ACSS2: variants seen among roughly 807,000 people sequenced by gnomAD.
ACSS2 encodes acetyl-coenzyme A synthetase, cytoplasmic.
In ACSS2, 58 loss-of-function variants were observed where a neutral mutation model predicts 90.6. The observed-to-expected ratio is 0.64, with a 90% confidence interval of 0.52 to 0.80. The LOEUF is 0.80. Ranked by LOEUF, ACSS2 falls within the 30% of genes least tolerant of loss-of-function variation. The pLI is 0.00. For synonymous variants in ACSS2, 300 were observed against 330.9 expected, an observed-to-expected ratio of 0.91 and a Z score of 1.01; for missense variants, 759 against 912.0, an observed-to-expected ratio of 0.83 and a Z score of 2.16.
At chr20:34,890,235 A>T (rs143411117) in intron 2 of ACSS2, among the ~76,000 whole-genome samples, 21 of 152,256 alleles carry the variant, frequency 1.4e-4, no homozygotes, top group African/African-American at 5.1e-4. Flanking sequence ...GTCTATATAA[A>T]CACTGCCTCT....
chr20:34,902,505 T>C (rs1411708722), intron 2 of ACSS2, among the ~76,000 whole-genome samples: 1 of 151,970 alleles, frequency 6.6e-6, no homozygotes, highest in Admixed American at 6.6e-5. Context: ...TGGGGAAAGA[T>C]AGTTAAAGAA....
chr20:34,923,551 G>C, intron 14 of ACSS2, 120 bp downstream of exon 14: 1 of 748,200 alleles, frequency 1.3e-6, no homozygotes, highest in African/African-American at 1.7e-5. Flanking sequence ...GATTTATAAA[G>C]AAAAGAGGTT....
chr20:34,920,470 C>T (rs1017145238), intron 8 of ACSS2, 69 bp from the exon 9 acceptor site: 37 of 1,514,180 alleles, frequency 2.4e-5, no homozygotes, highest in Non-Finnish European at 3.1e-5. Context: ...TCCAGCTCTG[C>T]CCAGCCTCCA....
At position 34,927,794 on chromosome 20, in the gene ACSS2, T is replaced by C. The variant is rs1244083286; in HGVS notation, c.*580T>C. On this transcript the variant is annotated 3_prime_UTR_variant, in exon 18 of 18. Coordinates refer to ENST00000360596, the MANE Select transcript of ACSS2 (RefSeq NM_018677.4). This position sits in a 1 kb window ranked among gnomAD's most constrained non-coding sequence, Gnocchi z 4.2. ...TCATCTGCTTCTTTGAAGGAGTAAATGTGTTTTGTTCCTAGGGCCAGAGGA... is the reference window on the plus strand; with the variant it reads ...TCATCTGCTTCTTTGAAGGAGTAAACGTGTTTTGTTCCTAGGGCCAGAGGA... 6.4e-6 allele frequency: 1 copy of C among 155,192 alleles called. No homozygotes were observed. Among genetic ancestry groups the C allele is most frequent in the Non-Finnish European group, 1.4e-5 (1 of 69,854 alleles). 9.6% of individuals were successfully genotyped at this position (155,192 alleles called of 1,614,324 possible).
At chr20:34,915,161 C>T in intron 7 of ACSS2, 2 of 1,586,702 alleles carry the variant, frequency 1.3e-6, no homozygotes, top group South Asian at 1.1e-5. Flanking sequence ...CCTTTCCTCC[C>T]ACTCCCTGTA....
At position 34,882,908 on chromosome 20, in the gene ACSS2, G is replaced by C. The variant is rs1210933452; in HGVS notation, c.293G>C (p.Gly98Ala). ...KGKIFIEWMK[G>A]ATTNICYNVL... ...AAAATCTTCATTGAGTGGATGAAAG[G>C]AGCAACTACCAACATCTGCTACAAT... is the stretch of plus-strand genomic sequence containing the variant. The change falls in exon 2 of 18, where the codon GGA becomes GCA. Residue 98 changes from glycine (G) to alanine (A), a missense_variant. Gly to Ala is a moderately conservative substitution (Grantham distance 60). Coordinates refer to ENST00000360596, the MANE Select transcript of ACSS2 (RefSeq NM_018677.4). 2.3e-5 allele frequency: 37 copies of C among 1,613,914 alleles called. No individual in the cohort carries two copies. The highest frequency in any genetic ancestry group is 3.1e-5 in the Non-Finnish European group (37 of 1,179,950).
At chr20:34,899,085 C>T (rs1289935437) in intron 2 of ACSS2, among the ~76,000 whole-genome samples, 1 of 152,192 alleles carries the variant, frequency 6.6e-6, no homozygotes, top group East Asian at 1.9e-4. Flanking sequence ...CAGGGCCGGC[C>T]GGCTGCTCCG....
intron 1 of ACSS2, among the ~76,000 whole-genome samples, chr20:34,880,540 C>T (rs983642462): frequency 4.0e-5 from 6 of 151,002 alleles, no homozygotes; most frequent in Non-Finnish European, 7.4e-5. Flanking sequence ...AGCGAGACAC[C>T]GAGCTAAAAA....
chr20:34,899,439 C>T (rs372327894), intron 2 of ACSS2, among the ~76,000 whole-genome samples: 43 of 128,642 alleles, frequency 3.3e-4, no homozygotes, highest in African/African-American at 8.4e-4. Context: ...TCCTTCCTTC[C>T]TTCCTTCCTT....
chr20:34,905,171 C>T (rs1230561533), intron 2 of ACSS2, among the ~76,000 whole-genome samples: 1 of 152,090 alleles, frequency 6.6e-6, no homozygotes, highest in East Asian at 1.9e-4. Flanking sequence ...TCCTGCTTTG[C>T]CCTCCCAGAG....
At chr20:34,916,369 C>G (rs1036878350) in intron 7 of ACSS2, among the ~76,000 whole-genome samples, 1 of 152,190 alleles carries the variant, frequency 6.6e-6, no homozygotes, top group Non-Finnish European at 1.5e-5. Context: ...ATAATTATAC[C>G]TATGTTATCG....
intron 16 of ACSS2, 113 bp downstream of exon 16, chr20:34,926,394 C>G: frequency 8.2e-7 from 1 of 1,222,080 alleles, no homozygotes. Flanking sequence ...CAAACAGATT[C>G]CAGGGGGCCC....
rs1184299367 is a variant in ACSS2, at chr20:34,921,807, G to T, written c.1489G>T (p.Ala497Ser). 1.9e-6 allele frequency: 3 copies of T among 1,613,930 alleles called. No individual in the cohort carries two copies. The African/African-American group carries it at 4.0e-5, about 22-fold the overall frequency. Residue 497 changes from alanine to serine, a missense_variant, in exon 13 of 18, where the codon GCT becomes TCT. Ala to Ser is a moderately conservative substitution (Grantham distance 99, BLOSUM62 1). Coordinates refer to ENST00000360596, the MANE Select transcript of ACSS2 (RefSeq NM_018677.4). ...CTAGACTTTCCCATTCTTTGGTGTA[G>T]CTCCTGCAATCCTGAATGAGTCCGG... ...GSATFPFFGVAPAILNESGEE... is the reference protein window; with the variant it reads ...GSATFPFFGVSPAILNESGEE...
Position 34,920,723 on chromosome 20 carries a change from C to T in ACSS2, c.1143+14C>T. The T allele has an allele frequency of 6.2e-7, 1 of 1,603,364 alleles. No individual in the cohort carries two copies. Among genetic ancestry groups the T allele is most frequent in the East Asian group, 2.2e-5 (1 of 44,786 alleles). On this transcript the variant is annotated intron_variant, in intron 9 of 17. Transcript: ENST00000360596. ...ACCAGTGTTTTGGTGAGAAGGGAGCCACCTGGCCTAGCTGGGGGATGGACA... is the reference window on the plus strand; with the variant it reads ...ACCAGTGTTTTGGTGAGAAGGGAGCTACCTGGCCTAGCTGGGGGATGGACA...
intron 1 of ACSS2, among the ~76,000 whole-genome samples, chr20:34,882,110 G>T (rs1222785992): frequency 6.6e-6 from 1 of 152,192 alleles, no homozygotes; most frequent in Non-Finnish European, 1.5e-5. Flanking sequence ...CCAGCTTCTT[G>T]GGAGGCTGAG....
At chr20:34,876,354 C>A (rs1224983619), upstream of ACSS2, 1 of 302,834 alleles carries the variant, frequency 3.3e-6, no homozygotes, top group Admixed American at 5.1e-5. Flanking sequence ...TTGTCACACC[C>A]GGCCCCGCCC....
At chr20:34,912,110 G>A (rs1466903139) in intron 2 of ACSS2, among the ~76,000 whole-genome samples, 2 of 151,862 alleles carry the variant, frequency 1.3e-5, no homozygotes, top group African/African-American at 2.4e-5. Flanking sequence ...GAGCCACCAC[G>A]CCCCGCCCAT....
chr20:34,903,874 A>G (rs1417926610), intron 2 of ACSS2, among the ~76,000 whole-genome samples: 1 of 150,424 alleles, frequency 6.6e-6, no homozygotes, highest in Non-Finnish European at 1.5e-5. Context: ...TTGTCTCAAA[A>G]AAAAAAAAAA....
intron 3 of ACSS2, 49 bp downstream of exon 3, chr20:34,913,236 C>G (rs745770950): frequency 6.3e-7 from 1 of 1,585,760 alleles, no homozygotes; most frequent in Non-Finnish European, 8.7e-7. Flanking sequence ...CTTGGGGTAT[C>G]TGAGTATCTG....
Sources: gnomAD v4.1 joint callset for allele counts (sites outside exome capture counted in the v4.1 genomes callset) on GRCh38, gnomAD v4.1.1 for gene constraint, Gnocchi (gnomAD v3.1) non-coding constraint, MANE v1.5 for transcripts, NCBI Gene and HGNC (gene_info 2026-07-23, HGNC 2026-07-21) for gene names.